The following AACS variants were observed in gnomAD, a reference collection of about 807,000 sequenced individuals.
The protein encoded by AACS is acetoacetate-CoA ligase.
In AACS, 69 loss-of-function variants were observed where a neutral mutation model predicts 83.1. That is an observed-to-expected ratio of 0.83 (90% CI 0.68 to 1.01). The LOEUF (loss-of-function observed/expected upper bound fraction) is 1.01, where lower values mean the gene tolerates loss of function less well. Among genes scored for constraint, AACS ranks in the 50% least tolerant of loss-of-function variants. AACS has a pLI of 0.00. For missense variants in AACS, 866 were observed against 882.2 expected, an observed-to-expected ratio of 0.98 and a Z score of 0.23; for synonymous variants, 333 against 343.4, an observed-to-expected ratio of 0.97 and a Z score of 0.33.
chr12:125,077,654 C>T (rs537450666), intron 3 of AACS, among the ~76,000 whole-genome samples: 1 of 152,154 alleles, frequency 6.6e-6, no homozygotes, highest in East Asian at 1.9e-4. Flanking sequence ...GGAAATAAGG[C>T]CAACATACAC....
rs762647186 is a variant in AACS, at chr12:125,129,328, A to G, written c.1424-7A>G. 3.7e-6 allele frequency: 6 copies of G among 1,610,782 alleles called. No homozygotes were observed. The Admixed American group carries it at 5.1e-5, about 14-fold the overall frequency. Reference sequence around the variant, plus strand: ...TGTTGGGCTTATTTTTAATTCTCCCATACCAGGAAAGGCGGTCTGGGGAGA... The same window carrying G: ...TGTTGGGCTTATTTTTAATTCTCCCGTACCAGGAAAGGCGGTCTGGGGAGA... On this transcript the variant is annotated splice_polypyrimidine_tract_variant and splice_region_variant and intron_variant, in intron 13 of 17. Transcript: ENST00000316519. The surrounding 1 kb of genome is among the most constrained non-coding windows in gnomAD (Gnocchi z 4.3).
intron 10 of AACS, chr12:125,124,448 C>T: frequency 1.9e-6 from 1 of 528,442 alleles, no homozygotes; most frequent in Non-Finnish European, 3.4e-6. Context: ...GGGTGAGCGA[C>T]TGTTTTATGT....
chr12:125,126,948 A>G (rs1427163020), intron 12 of AACS: 2 of 151,926 alleles, frequency 1.3e-5, no homozygotes, highest in African/African-American at 4.8e-5. Flanking sequence ...ATTTAAAAAC[A>G]TACTCTCAAA....
chr12:125,092,941 C>G (rs116080203), intron 5 of AACS, among the ~76,000 whole-genome samples: 1 of 152,194 alleles, frequency 6.6e-6, no homozygotes, highest in Non-Finnish European at 1.5e-5. Context: ...TGCTCAAGGC[C>G]GGGCAGGCTG....
intron 9 of AACS, among the ~76,000 whole-genome samples, chr12:125,116,104 G>A (rs112948796): frequency 6.6e-6 from 1 of 151,964 alleles, no homozygotes; most frequent in East Asian, 1.9e-4. Context: ...AATCCCTAAC[G>A]TAGAATACCA....
chr12:125,126,450 TGTGA>T (rs1014825758), intron 12 of AACS: 10 of 152,212 alleles, frequency 6.6e-5, no homozygotes, highest in African/African-American at 2.2e-4. Context: ...CTTGAGTGTG[TGTGA>T]GTGTGTGTAA....
chr12:125,129,595 C>G lies in AACS; in HGVS notation c.1549+135C>G, dbSNP rs1957300954. On this transcript the variant is annotated intron_variant, in intron 14 of 17. Transcript: ENST00000316519. The surrounding 1 kb of genome is among the most constrained non-coding windows in gnomAD (Gnocchi z 4.3). ...TTGGAGAAGCTGCTTATAGTTCATTCCGCCAGTGGGGGGATAATGAATTTT... is the reference window on the plus strand; with the variant it reads ...TTGGAGAAGCTGCTTATAGTTCATTGCGCCAGTGGGGGGATAATGAATTTT... 1.1e-5 allele frequency: 13 copies of G among 1,150,134 alleles called. No individual in the cohort carries two copies. Among genetic ancestry groups the G allele is most frequent in the Non-Finnish European group, 1.6e-5 (13 of 820,858 alleles). The allele number at this position is 1,150,134 out of a possible 1,614,324, so 71.2% of individuals were successfully genotyped here. A position where few individuals can be genotyped will look rare whatever the true frequency, so the allele number is the denominator to read the frequency against.
At chr12:125,084,911 C>T (rs1206758104) in intron 3 of AACS, among the ~76,000 whole-genome samples, 3 of 152,128 alleles carry the variant, frequency 2.0e-5, no homozygotes, top group Non-Finnish European at 4.4e-5. Context: ...TAGAGTCTCA[C>T]TATCTTACCC....
intron 3 of AACS, 34 bp from the exon 4 acceptor site, chr12:125,086,296 G>A: frequency 6.3e-7 from 1 of 1,588,890 alleles, no homozygotes; most frequent in Non-Finnish European, 8.6e-7. Context: ...TTTTGCGGTG[G>A]TCTGTGTACA....
intron 4 of AACS, among the ~76,000 whole-genome samples, chr12:125,089,800 A>G (rs1956421807): frequency 6.6e-6 from 1 of 151,068 alleles, no homozygotes; most frequent in South Asian, 2.1e-4. Flanking sequence ...CCCATCATCT[A>G]CCCATCCATC....
At chr12:125,076,407 T>C (rs1378871787) in intron 2 of AACS, 84 bp from the exon 3 acceptor site, 2 of 1,550,380 alleles carry the variant, frequency 1.3e-6, no homozygotes, top group Non-Finnish European at 1.7e-6. Context: ...CCACTTTTGC[T>C]GATTTGTGAC....
chr12:125,098,507 A>AG (rs1956659357), intron 5 of AACS, among the ~76,000 whole-genome samples: 1 of 147,752 alleles, frequency 6.8e-6, no homozygotes, highest in African/African-American at 2.5e-5. Flanking sequence ...GCTGGAGTGC[A>AG]GTGGCATGAT....
At chr12:125,084,386 C>A (rs1435928797) in intron 3 of AACS, among the ~76,000 whole-genome samples, 1 of 151,474 alleles carries the variant, frequency 6.6e-6, no homozygotes, top group East Asian at 1.9e-4. Flanking sequence ...TTCCTCCCCT[C>A]CTTTCCTTCT....
chr12:125,083,026 G>A (rs2136059073), intron 3 of AACS, among the ~76,000 whole-genome samples: 1 of 152,310 alleles, frequency 6.6e-6, no homozygotes, highest in South Asian at 2.1e-4. Flanking sequence ...CCATGTCATA[G>A]ATTTCCTGAA....
chr12:125,076,420 A>AGT, intron 2 of AACS, 71 bp from the exon 3 acceptor site: 1 of 1,567,430 alleles, frequency 6.4e-7, no homozygotes, highest in Non-Finnish European at 8.7e-7. Context: ...TTTGTGACAT[A>AGT]GTCTCATGTT....
In AACS at chr12:125,118,715, C is replaced by T. The variant is rs767484728; in HGVS notation, c.1071C>T (p.Ser357=). 11 of 1,614,094 alleles carry T rather than the reference C, an allele frequency of 6.8e-6. No individual in the cohort carries two copies. In the East Asian group the frequency reaches 2.0e-4, roughly 29 times the overall value. ...CGGCCATGGTCTTGTACGATGGCTCCCCCCTGGTGCCCACGCCCAATGTGC... is the reference window on the plus strand; with the variant it reads ...CGGCCATGGTCTTGTACGATGGCTCTCCCCTGGTGCCCACGCCCAATGTGC... ...TGAAMVLYDG[S]PLVPTPNVLW... The change falls in exon 10 of 18, where the codon TCC becomes TCT. Residue 357 remains serine (S), a synonymous_variant. Coordinates refer to ENST00000316519, the MANE Select transcript of AACS (RefSeq NM_023928.5).
In AACS at chr12:125,142,621, TCTTCC is replaced by T. The variant is rs936806318; in HGVS notation, c.*399_*403del. ...TGCTCTGTGAAGGTGCAAATCCCTTTCTTCCCTTCCCATCTCAGGCTCTCCTGTTT... is the reference window on the plus strand; with the variant it reads ...TGCTCTGTGAAGGTGCAAATCCCTTTCTTCCCATCTCAGGCTCTCCTGTTT... On this transcript the variant is annotated 3_prime_UTR_variant, in exon 18 of 18. Transcript: ENST00000316519. 47 of 165,152 alleles carry T rather than the reference TCTTCC, an allele frequency of 2.8e-4. No individual in the cohort carries two copies. The highest frequency in any genetic ancestry group is 1.1e-3 in the African/African-American group (47 of 41,926). 10.2% of individuals were successfully genotyped at this position (165,152 alleles called of 1,614,324 possible).
intron 3 of AACS, among the ~76,000 whole-genome samples, chr12:125,081,830 A>G (rs554129083): frequency 1.1e-4 from 16 of 151,768 alleles, no homozygotes; most frequent in African/African-American, 3.9e-4. Context: ...CAAGGAGAGG[A>G]TGAAGGGCAG....
In AACS at chr12:125,108,676, A is replaced by AT. The variant is rs201445672; in HGVS notation, c.915+1417dup. On this transcript the variant is annotated intron_variant, in intron 8 of 17. Coordinates refer to ENST00000316519, the MANE Select transcript of AACS (RefSeq NM_023928.5). ...TTAACCTGTTATTTTATTTTATTTTATTTTTTTTTGAGATGGAGTCTTGAT... is the reference window on the plus strand; with the variant it reads ...TTAACCTGTTATTTTATTTTATTTTATTTTTTTTTTGAGATGGAGTCTTGAT... Among the ~76,000 whole-genome samples, 1,036 of 150,810 alleles carry AT rather than the reference A, an allele frequency of 6.9e-3. 12 individuals are homozygous for AT. The highest frequency in any genetic ancestry group is 0.024 in the African/African-American group (986 of 41,062).
Sources: allele counts gnomAD v4.1 joint callset (sites outside exome capture counted in the v4.1 genomes callset), GRCh38; gene constraint gnomAD v4.1.1; non-coding constraint Gnocchi (gnomAD v3.1); transcripts MANE v1.5; gene names NCBI Gene and HGNC (gene_info 2026-07-23, HGNC 2026-07-21).